The following NLRP14 variants were observed in gnomAD, a reference collection of about 807,000 sequenced individuals.
NLRP14 encodes NLR family pyrin domain containing 14, also known as NACHT, LRR and PYD domains-containing protein 14.
In NLRP14, 105 loss-of-function variants were observed where a neutral mutation model predicts 94.7. The observed-to-expected ratio is 1.11, with a 90% CI of 0.95 to 1.30. The LOEUF is 1.30. Among genes scored for constraint, NLRP14 ranks in the 50% most tolerant of loss-of-function variants. The probability of loss-of-function intolerance (pLI) is 0.00; values close to 1 mark genes in which losing one functional copy is unlikely to be tolerated. For synonymous variants in NLRP14, 508 were observed against 459.9 expected, an observed-to-expected ratio of 1.10 and a Z score of -1.34; for missense variants, 1,362 against 1,254.1, an observed-to-expected ratio of 1.09 and a Z score of -1.30.
intron 1 of NLRP14, among the ~76,000 whole-genome samples, chr11:7,022,066 A>G (rs942338928): frequency 2.0e-5 from 3 of 152,176 alleles, no homozygotes; most frequent in African/African-American, 7.2e-5. Context: ...CACCAAGTAT[A>G]GCATACGCAA....
At chr11:7,078,036 T>C in the NLRP14 span, among the ~76,000 whole-genome samples, 2 of 152,286 alleles carry the variant, frequency 1.3e-5, no homozygotes, top group South Asian at 4.1e-4. Context: ...CACAACAATG[T>C]GAATGTACTT....
At chr11:7,074,839 G>A (rs1852854809), downstream of NLRP14, among the ~76,000 whole-genome samples, 1 of 152,182 alleles carries the variant, frequency 6.6e-6, no homozygotes, top group South Asian at 2.1e-4. Context: ...AAGGGGACGT[G>A]TCAGTGAAAT....
the NLRP14 span, chr11:7,089,370 G>A: frequency 1.2e-6 from 2 of 1,605,310 alleles, no homozygotes; most frequent in Non-Finnish European, 1.7e-6. Flanking sequence ...GGTGGCCCAG[G>A]CCACCAAACC....
chr11:7,090,124 G>A, the NLRP14 span: 1 of 1,612,580 alleles, frequency 6.2e-7, no homozygotes, highest in Non-Finnish European at 8.5e-7. Flanking sequence ...CGGAGCGACC[G>A]CTACTCGAGG....
chr11:7,043,990 T>G lies in NLRP14; in HGVS notation c.1958+6T>G, dbSNP rs139392987. The stretch of plus-strand genomic sequence containing the variant: ...AGCCTCCCAACTAACACTTGGTAAG[T>G]GTGTTAGGGCCATTCCCTGGAAGTG... On this transcript the variant is annotated splice_donor_region_variant and intron_variant, in intron 4 of 11. Coordinates refer to ENST00000299481, the MANE Select transcript of NLRP14 (RefSeq NM_176822.4). 10 of 1,613,408 alleles carry G rather than the reference T, an allele frequency of 6.2e-6. No individual in the cohort carries two copies. The East Asian group carries it at 2.0e-4, about 32-fold the overall frequency.
At chr11:7,070,108 T>C (rs771040067) in intron 10 of NLRP14, among the ~76,000 whole-genome samples, 178 bp from the exon 11 acceptor site, 1 of 152,212 alleles carries the variant, frequency 6.6e-6, no homozygotes, top group Non-Finnish European at 1.5e-5. Context: ...AAGTTCAGCC[T>C]AGAAATATCT....
intron 6 of NLRP14, among the ~76,000 whole-genome samples, chr11:7,050,446 A>G (rs1852425520): frequency 7.2e-6 from 1 of 138,736 alleles, no homozygotes; most frequent in Non-Finnish European, 1.6e-5. Context: ...ACATTGTGTG[A>G]CAGGTTTTAA....
Position 7,057,770 on chromosome 11 carries a change from CA to C in NLRP14, c.2387del (p.Asn796IlefsTer15), listed in dbSNP as rs745319842. ...QSLIFLNLST[N>X]NLLDDGVQLL... ...GCCTGATATTTCTGAATCTGTCAAC[CA>C]ATAATCTGTTGGATGATGGAGTGCA... On this transcript the variant is annotated frameshift_variant, in exon 7 of 12. Transcript: ENST00000299481. LOFTEE classifies it high-confidence loss of function. 1.2e-6 allele frequency: 2 copies of C among 1,611,870 alleles called. No individual in the cohort carries two copies. Among genetic ancestry groups the C allele is most frequent in the South Asian group, 2.2e-5 (2 of 91,026 alleles).
chr11:7,039,605 A>T (rs1397580760), intron 2 of NLRP14, 109 bp from the exon 3 acceptor site: 8 of 885,562 alleles, frequency 9.0e-6, no homozygotes, highest in Non-Finnish European at 1.5e-5. Context: ...TTAAACCCAG[A>T]TAGTCATAGA....
At chr11:7,031,069 G>A (rs575273741) in intron 1 of NLRP14, among the ~76,000 whole-genome samples, 28 of 152,348 alleles carry the variant, frequency 1.8e-4, no homozygotes, top group Admixed American at 1.8e-3. Context: ...TAGCGGGTTT[G>A]CTCTTCTCTC....
Position 7,062,501 on chromosome 11 carries a change from CG to C in NLRP14, c.2975+1del. 6.2e-7 allele frequency: 1 copy of C among 1,612,288 alleles called. No homozygotes were observed. The highest frequency in any genetic ancestry group is 1.3e-5 in the African/African-American group (1 of 74,896). On this transcript the variant is annotated frameshift_variant and splice_region_variant, in exon 10 of 12. Transcript: ENST00000299481. LOFTEE classifies it high-confidence loss of function. ...RYPNCNIQRL[G>X]LEYCGLTSLC... Reference sequence around the variant, plus strand: ...ATCCAAACTGTAACATTCAGAGGCTCGGGTGAGTTCATAGTTTTCCATTAGG... The same window carrying C: ...ATCCAAACTGTAACATTCAGAGGCTCGGTGAGTTCATAGTTTTCCATTAGG...
At chr11:7,070,618 A>G (rs1852780077) in intron 11 of NLRP14, among the ~76,000 whole-genome samples, 162 bp downstream of exon 11, 2 of 152,212 alleles carry the variant, frequency 1.3e-5, no homozygotes, top group Admixed American at 6.5e-5. Flanking sequence ...ATTGAGAGAT[A>G]CAATATAGCA....
downstream of NLRP14, among the ~76,000 whole-genome samples, chr11:7,072,455 C>T (rs772107383): frequency 2.6e-4 from 39 of 152,330 alleles, no homozygotes; most frequent in Admixed American, 7.2e-4. Context: ...AAGCAAAGTA[C>T]ACTTGGAAGA....
intron 1 of NLRP14, 143 bp from the exon 2 acceptor site, chr11:7,038,423 C>T (rs981964522): frequency 9.1e-6 from 6 of 658,070 alleles, no homozygotes; most frequent in African/African-American, 9.1e-5. Context: ...ACAGAGGACA[C>T]TAGGTCAGTA....
chr11:7,024,758 A>T (rs1851991492), intron 1 of NLRP14, among the ~76,000 whole-genome samples: 1 of 140,028 alleles, frequency 7.1e-6, no homozygotes, highest in Admixed American at 7.4e-5. Context: ...AAAATATGTG[A>T]GTAAAATGTG....
intron 1 of NLRP14, among the ~76,000 whole-genome samples, chr11:7,026,414 A>ATCAC (rs1296267304): frequency 6.6e-6 from 1 of 152,264 alleles, no homozygotes; most frequent in Non-Finnish European, 1.5e-5. Flanking sequence ...AATGCTCATC[A>ATCAC]TCACTGGCCA....
At chr11:7,057,977 A>C (rs1852543390) in intron 7 of NLRP14, 130 bp downstream of exon 7, 2 of 782,702 alleles carry the variant, frequency 2.6e-6, no homozygotes, top group Non-Finnish European at 4.6e-6. Context: ...AATAAGCTCT[A>C]CATGCATCCC....
In NLRP14 at chr11:7,043,217, A is replaced by G. The variant is rs987132658; in HGVS notation, c.1191A>G (p.Thr397=). 1 of 1,614,200 alleles carries G rather than the reference A, an allele frequency of 6.2e-7. No homozygotes were observed. The highest frequency in any genetic ancestry group is 1.7e-5 in the Admixed American group (1 of 60,012). The change falls in exon 4 of 12, where the codon ACA becomes ACG. Residue 397 remains threonine (T), a synonymous_variant. Coordinates refer to ENST00000299481, the MANE Select transcript of NLRP14 (RefSeq NM_176822.4). The stretch of plus-strand genomic sequence containing the variant: ...TCACATTGACCTGCCAAACAACCAC[A>G]GCTCTGTTTACCTGCTATATTTCTA... ...GDVTLTCQTT[T]ALFTCYISSL...
downstream of NLRP14, among the ~76,000 whole-genome samples, chr11:7,075,349 T>C (rs1852862819): frequency 6.6e-6 from 1 of 152,234 alleles, no homozygotes; most frequent in Non-Finnish European, 1.5e-5. Context: ...ACTATGATTA[T>C]TGTGACTTAG....
Sources: allele counts gnomAD v4.1 joint callset (sites outside exome capture counted in the v4.1 genomes callset), GRCh38; gene constraint gnomAD v4.1.1; transcripts MANE v1.5; gene names NCBI Gene and HGNC (gene_info 2026-07-23, HGNC 2026-07-21).